Variants in OTOF observed in about 807,000 individuals in gnomAD.
OTOF encodes otoferlin, also known as fer-1-like family member 2.
In OTOF, 218 loss-of-function variants were observed where a neutral mutation model predicts 236.8. The observed-to-expected ratio is 0.92, with a 90% CI of 0.82 to 1.03. The LOEUF (loss-of-function observed/expected upper bound fraction) is 1.03. Among genes scored for constraint, OTOF ranks in the 50% least tolerant of loss-of-function variants. The pLI is 0.00. For synonymous variants in OTOF, 1,041 were observed against 1,072.5 expected (o/e 0.97, Z 0.57); for missense variants, 2,590 against 2,694.4 (o/e 0.96, Z 0.86).
intron 10 of OTOF, 38 bp from the exon 11 acceptor site, chr2:26,489,333 C>G (rs1423583711): frequency 3.3e-6 from 5 of 1,519,432 alleles, no homozygotes; most frequent in Non-Finnish European, 4.5e-6. Context: ...TCAGGCCCAG[C>G]AAGGGTGAGG....
chr2:26,517,657 C>T (rs569060043), intron 4 of OTOF, among the ~76,000 whole-genome samples: 54 of 152,254 alleles, frequency 3.5e-4, no homozygotes, highest in African/African-American at 1.3e-3. Flanking sequence ...AAATGGTGGT[C>T]TCTGGCATTG....
At chr2:26,505,412 TACACACACACACACACACACACAGACAC>T (rs1465364748) in intron 5 of OTOF, among the ~76,000 whole-genome samples, 2 of 150,188 alleles carry the variant, frequency 1.3e-5, no homozygotes, top group African/African-American at 4.9e-5. Flanking sequence ...GGAGGTGAGT[TACACACACACACACACACACACAGACAC>T]ACACACACAC....
intron 2 of OTOF, among the ~76,000 whole-genome samples, chr2:26,534,101 C>T (rs1386609868): frequency 3.3e-5 from 5 of 152,138 alleles, no homozygotes; most frequent in African/African-American, 9.7e-5. Flanking sequence ...CAGATAGACT[C>T]GGGTTTAAAT....
rs749986107 is a variant in OTOF at position 26,477,624 on chromosome 2, C to A, written c.2315+25G>T. 4.3e-6 allele frequency: 7 copies of A among 1,611,694 alleles called. No homozygotes were observed. Among genetic ancestry groups the A allele is most frequent in the Non-Finnish European group, 5.1e-6 (6 of 1,179,688 alleles). Reference sequence around the variant, plus strand: ...TGTCCAGTTCCGCCTCATCCTCCCCCCACCTGCCGCCCCTCCCTTCTCACC... The same window carrying A: ...TGTCCAGTTCCGCCTCATCCTCCCCACACCTGCCGCCCCTCCCTTCTCACC... On this transcript the variant is annotated intron_variant, in intron 19 of 46. Transcript: ENST00000272371. This position sits in a 1 kb window ranked among gnomAD's most constrained non-coding sequence, Gnocchi z 4.7.
At chr2:26,478,654 C>T (rs1370668521) in intron 18 of OTOF, among the ~76,000 whole-genome samples, 3 of 151,804 alleles carry the variant, frequency 2.0e-5, no homozygotes, top group African/African-American at 7.3e-5. Context: ...TCTCCCTTTT[C>T]CCCATTTCCC....
chr2:26,547,797 C>T lies in OTOF; in HGVS notation c.80-10023G>A, dbSNP rs149238467. Among the ~76,000 whole-genome samples, 358 of 152,204 alleles carry T rather than the reference C, an allele frequency of 2.4e-3. 1 individual carries two copies. Among genetic ancestry groups the T allele is most frequent in the African/African-American group, 8.0e-3 (334 of 41,524 alleles). ...CAGAGGTTGCAGTGAGCTGAGATCGCGCCACTGCACTCCAGCCTGGGTGAC... is the reference window on the plus strand; with the variant it reads ...CAGAGGTTGCAGTGAGCTGAGATCGTGCCACTGCACTCCAGCCTGGGTGAC... On this transcript the variant is annotated intron_variant, in intron 1 of 46. Transcript: ENST00000272371.
At chr2:26,475,766 C>T in intron 24 of OTOF, 148 bp downstream of exon 24, 2 of 1,068,042 alleles carry the variant, frequency 1.9e-6, no homozygotes, top group South Asian at 1.5e-5. Flanking sequence ...CAGTTATCTG[C>T]AGGGCTTCCC....
chr2:26,549,432 A>G (rs185786694), intron 1 of OTOF, among the ~76,000 whole-genome samples: 1 of 152,354 alleles, frequency 6.6e-6, no homozygotes, highest in African/African-American at 2.4e-5. Flanking sequence ...CATGTTTCTT[A>G]CATAGTATAC....
At chr2:26,550,797 T>C (rs896768549) in intron 1 of OTOF, among the ~76,000 whole-genome samples, 1 of 152,112 alleles carries the variant, frequency 6.6e-6, no homozygotes, top group Non-Finnish European at 1.5e-5. Flanking sequence ...TCCTCACCTC[T>C]AGAGCCTTCT....
intron 13 of OTOF, 112 bp from the exon 14 acceptor site, chr2:26,482,704 T>C (rs756530006): frequency 7.0e-6 from 6 of 852,678 alleles, no homozygotes; most frequent in Non-Finnish European, 9.3e-6. Flanking sequence ...TGTGCATGTG[T>C]GAGTGGGTGT....
chr2:26,477,397 C>T lies in OTOF; in HGVS notation c.2406+19G>A, dbSNP rs191746690. On this transcript the variant is annotated intron_variant, in intron 20 of 46. Transcript: ENST00000272371. The surrounding 1 kb of genome is among the most constrained non-coding windows in gnomAD (Gnocchi z 4.7). ...ACCAGGCCCTCCCTCCAGCCCCCGC[C>T]GTCCAGTTGCGTCCTCACCAGCTCC... The T allele has an allele frequency of 1.6e-4, 258 of 1,572,370 alleles. 2 individuals carry two copies. The South Asian group carries it at 2.5e-3, about 15-fold the overall frequency.
chr2:26,546,831 A>G (rs909768545), intron 1 of OTOF, among the ~76,000 whole-genome samples: 5 of 142,514 alleles, frequency 3.5e-5, no homozygotes, highest in African/African-American at 1.0e-4. Context: ...GGTAAAATTT[A>G]TTTTCTTGTG....
chr2:26,484,320 C>T (rs2148061438), intron 12 of OTOF, among the ~76,000 whole-genome samples, 154 bp downstream of exon 12: 1 of 152,338 alleles, frequency 6.6e-6, no homozygotes, highest in Admixed American at 6.5e-5. Flanking sequence ...CCTGCCCCTG[C>T]CCTGCCTCGG....
intron 46 of OTOF, 23 bp from the exon 47 acceptor site, chr2:26,458,243 CG>C (rs1664282670): frequency 6.4e-7 from 1 of 1,557,762 alleles, no homozygotes; most frequent in Non-Finnish European, 8.7e-7. Flanking sequence ...AGAGAGGAGC[CG>C]GTCAGCCAGT....
At chr2:26,458,474 G>A (rs1664295805) in intron 46 of OTOF, among the ~76,000 whole-genome samples, 1 of 152,220 alleles carries the variant, frequency 6.6e-6, no homozygotes, top group African/African-American at 2.4e-5. Flanking sequence ...GCAGCATGGG[G>A]CAGCCTTGGC....
Position 26,479,537 on chromosome 2 carries a change from C to G in OTOF, c.2029G>C (p.Gly677Arg), listed in dbSNP as rs781547633. ...ACTGAGGCCAGGTCCCCGGCATCAC[C>G]GGCCTCGTCATCACTTGCGTTCTGA... ...LIQNASDDEA[G>R]DAGDLASVSS... The change falls in exon 17 of 47, where the codon GGT (glycine) becomes CGT (arginine). Residue 677 changes from glycine (G) to arginine (R), a missense_variant. Around this residue, in one of 2 missense-constraint regions of OTOF, gnomAD observed 1,379 missense variants for 1,341.6 expected, o/e 1.03. Transcript: ENST00000272371. The G allele has an allele frequency of 3.1e-6, 5 of 1,610,358 alleles. No individual in the cohort carries two copies. Among genetic ancestry groups the G allele is most frequent in the Non-Finnish European group, 3.4e-6 (4 of 1,179,046 alleles).
At chr2:26,458,308 A>T in intron 46 of OTOF, 88 bp from the exon 47 acceptor site, 1 of 1,352,338 alleles carries the variant, frequency 7.4e-7, no homozygotes, top group Non-Finnish European at 1.0e-6. Context: ...GGACCCCCAA[A>T]AGCCCTGCCA....
chr2:26,510,715 C>T (rs1027266386), intron 5 of OTOF: 20 of 1,289,390 alleles, frequency 1.6e-5, no homozygotes, highest in Middle Eastern at 4.3e-4. Flanking sequence ...TTGTGCTCGT[C>T]ATCTCTGCCT....
chr2:26,482,323 T>C, intron 14 of OTOF, 83 bp downstream of exon 14: 1 of 1,290,370 alleles, frequency 7.7e-7, no homozygotes, highest in Non-Finnish European at 1.1e-6. Context: ...ATGACGGTGG[T>C]GTGAAGAGAG....
Sources: allele counts gnomAD v4.1 joint callset (sites outside exome capture counted in the v4.1 genomes callset), GRCh38; gene constraint gnomAD v4.1.1; regional missense constraint gnomAD v4.1.1; non-coding constraint Gnocchi (gnomAD v3.1); transcripts MANE v1.5; gene names NCBI Gene and HGNC (gene_info 2026-07-23, HGNC 2026-07-21).